GALNT17: variants seen among roughly 807,000 people sequenced by gnomAD.
The protein encoded by GALNT17 is polypeptide N-acetylgalactosaminyltransferase 17.
A neutral mutation model predicts 63.7 loss-of-function variants in GALNT17; 29 were observed. The observed-to-expected ratio is 0.46, with a 90% confidence interval of 0.34 to 0.62. The LOEUF (loss-of-function observed/expected upper bound fraction) is 0.62. Among genes scored for constraint, GALNT17 ranks in the 20% least tolerant of loss-of-function variants. GALNT17 has a pLI of 0.01. For missense variants in GALNT17, 603 were observed against 799.6 expected (o/e 0.75, Z 2.97); for synonymous variants, 305 against 318.3 (o/e 0.96, Z 0.45).
At chr7:71,688,987 T>G (rs1006813582) in intron 9 of GALNT17, among the ~76,000 whole-genome samples, 1 of 152,210 alleles carries the variant, frequency 6.6e-6, no homozygotes, top group Non-Finnish European at 1.5e-5. Flanking sequence ...TTGGTAATTC[T>G]TGCAATATTT....
intron 1 of GALNT17, among the ~76,000 whole-genome samples, chr7:71,298,806 G>A (rs947672626): frequency 6.6e-6 from 1 of 151,854 alleles, no homozygotes; most frequent in African/African-American, 2.4e-5. Flanking sequence ...ATTCATTTTG[G>A]ATGTGAGGAG....
intron 1 of GALNT17, among the ~76,000 whole-genome samples, chr7:71,217,141 T>G (rs868179816): frequency 1.3e-3 from 165 of 125,822 alleles, no homozygotes; most frequent in African/African-American, 4.9e-3. Flanking sequence ...TTTTTTCGTG[T>G]TTTGTTTTTT....
At chr7:71,341,822 G>A (rs952774344) in intron 2 of GALNT17, among the ~76,000 whole-genome samples, 13 of 152,144 alleles carry the variant, frequency 8.5e-5, no homozygotes, top group African/African-American at 3.1e-4. Flanking sequence ...AGTCAAGTGA[G>A]GAAGATGATG....
chr7:71,667,290 A>G (rs1034699734), intron 7 of GALNT17, among the ~76,000 whole-genome samples: 6 of 152,240 alleles, frequency 3.9e-5, no homozygotes, highest in Non-Finnish European at 5.9e-5. Context: ...TTTGAAATAC[A>G]TTCTCAAGAA....
At chr7:71,529,567 C>G (rs756075399) in intron 5 of GALNT17, among the ~76,000 whole-genome samples, 2 of 152,180 alleles carry the variant, frequency 1.3e-5, no homozygotes, top group Non-Finnish European at 2.9e-5. Context: ...CGTAGCCGTC[C>G]AGGTAAAGGG....
chr7:71,365,904 T>G (rs891759909), intron 2 of GALNT17, among the ~76,000 whole-genome samples: 2 of 152,080 alleles, frequency 1.3e-5, no homozygotes, highest in African/African-American at 4.8e-5. Flanking sequence ...ATAAAATAAT[T>G]ACACAACTCA....
chr7:71,354,102 G>A (rs186020188), intron 2 of GALNT17, among the ~76,000 whole-genome samples: 123 of 152,248 alleles, frequency 8.1e-4, no homozygotes, highest in Non-Finnish European at 1.3e-3. Context: ...GTGTTAAACC[G>A]TAAGAAACTA....
intron 5 of GALNT17, among the ~76,000 whole-genome samples, chr7:71,558,189 T>C (rs1443169639): frequency 1.3e-5 from 2 of 152,220 alleles, no homozygotes; most frequent in Non-Finnish European, 2.9e-5. Flanking sequence ...AATTTTTCTC[T>C]GATTGGCTGG....
At chr7:71,361,673 G>T (rs1427688521) in intron 2 of GALNT17, among the ~76,000 whole-genome samples, 2 of 152,090 alleles carry the variant, frequency 1.3e-5, no homozygotes, top group Non-Finnish European at 2.9e-5. Flanking sequence ...GAGTTTCGTT[G>T]AGTTTTATTT....
intron 1 of GALNT17, among the ~76,000 whole-genome samples, chr7:71,138,279 A>G (rs1206569087): frequency 6.6e-6 from 1 of 152,118 alleles, no homozygotes; most frequent in East Asian, 1.9e-4. Context: ...TCGAGGCTAC[A>G]GTGAGCTATG....
chr7:71,462,838 A>G (rs1326926326), intron 5 of GALNT17, among the ~76,000 whole-genome samples: 1 of 152,216 alleles, frequency 6.6e-6, no homozygotes, highest in Non-Finnish European at 1.5e-5. Context: ...TGCCGCAAGC[A>G]GTTTCCACCT....
chr7:71,289,105 CTT>C (rs141146614), intron 1 of GALNT17, among the ~76,000 whole-genome samples: 7,606 of 151,814 alleles, frequency 0.05, 615 homozygotes, highest in African/African-American at 0.17. Context: ...TTGTGTGTGA[CTT>C]TTGACTCCCC....
chr7:71,262,022 G>C (rs2115631409), intron 1 of GALNT17, among the ~76,000 whole-genome samples: 1 of 152,282 alleles, frequency 6.6e-6, no homozygotes, highest in Non-Finnish European at 1.5e-5. Flanking sequence ...GTGCACCTAG[G>C]AGGCTGTGTT....
At chr7:71,573,267 C>T (rs937324528) in intron 6 of GALNT17, among the ~76,000 whole-genome samples, 3 of 152,054 alleles carry the variant, frequency 2.0e-5, no homozygotes, top group African/African-American at 4.8e-5. Context: ...GCCTCGGCCT[C>T]CCAAAGTGCT....
chr7:71,495,602 T>C (rs999015934), intron 5 of GALNT17, among the ~76,000 whole-genome samples: 3 of 152,190 alleles, frequency 2.0e-5, no homozygotes, highest in Non-Finnish European at 4.4e-5. Flanking sequence ...GGCCGAGGTC[T>C]GATCCCCAGT....
At chr7:71,380,021 T>C (rs73702876) in intron 2 of GALNT17, among the ~76,000 whole-genome samples, 1,818 of 152,162 alleles carry the variant, frequency 0.012, 36 homozygotes, top group African/African-American at 0.042. Context: ...GGGAGGAATA[T>C]TGAGTGTCCA....
chr7:71,300,569 T>G (rs1791177039), intron 1 of GALNT17: 1 of 364,430 alleles, frequency 2.7e-6, no homozygotes, highest in Non-Finnish European at 5.5e-6. Context: ...AGCAAGTCAT[T>G]TGTTTTCTAC....
At chr7:71,450,004 C>T (rs1054724362) in intron 5 of GALNT17, among the ~76,000 whole-genome samples, 66 of 148,682 alleles carry the variant, frequency 4.4e-4, no homozygotes, top group Admixed American at 3.4e-4. Context: ...ATCGTGCCAT[C>T]GCACTCCAGC....
intron 6 of GALNT17, among the ~76,000 whole-genome samples, chr7:71,640,690 T>C (rs1483971662): frequency 6.6e-6 from 1 of 152,102 alleles, no homozygotes; most frequent in Non-Finnish European, 1.5e-5. Context: ...TATTTCAACA[T>C]AGTTAGTCTT....
Sources: allele counts gnomAD v4.1 joint callset (sites outside exome capture counted in the v4.1 genomes callset), GRCh38; gene constraint gnomAD v4.1.1; transcripts MANE v1.5; gene names NCBI Gene and HGNC (gene_info 2026-07-23, HGNC 2026-07-21).